The following KCNIP1 variants were observed in gnomAD, a reference collection of about 807,000 sequenced individuals.
KCNIP1 encodes potassium voltage-gated channel interacting protein 1.
KCNIP1 carries 18 observed loss-of-function variants against 33.0 expected under a neutral mutation model. The ratio of observed to expected loss-of-function variants is 0.55; its 90% CI spans 0.38 to 0.81. The LOEUF is 0.81. KCNIP1 is among the 30% of genes least tolerant of loss of function. The probability of loss-of-function intolerance (pLI) is 0.00; values close to 1 mark genes in which losing one functional copy is unlikely to be tolerated. For synonymous variants in KCNIP1, 93 were observed against 98.3 expected (o/e 0.95, Z 0.32); for missense variants, 238 against 271.6 (o/e 0.88, Z 0.87).
At position 170,504,312 on chromosome 5, in the gene KCNIP1, G is replaced by C. The variant is rs1243403389; in HGVS notation, c.-261G>C. ...CTCGGCCCTGGGCGAGGGAACCGCC[G>C]GGCCGGGTCCTCGCGCGGGGAAGCG... On this transcript the variant is annotated 5_prime_UTR_variant, in exon 1 of 8. Transcript: ENST00000328939. This position sits in a 1 kb window ranked among gnomAD's most constrained non-coding sequence, Gnocchi z 6.0. 7.4e-7 allele frequency: 1 copy of C among 1,353,902 alleles called. No homozygotes were observed. Among genetic ancestry groups the C allele is most frequent in the Non-Finnish European group, 9.5e-7 (1 of 1,057,034 alleles). 83.9% of individuals were successfully genotyped at this position (1,353,902 alleles called of 1,614,324 possible). A position where few individuals can be genotyped will look rare whatever the true frequency, so the allele number is the denominator to read the frequency against.
At chr5:170,615,738 C>T (rs1759343291) in intron 1 of KCNIP1, among the ~76,000 whole-genome samples, 1 of 152,208 alleles carries the variant, frequency 6.6e-6, no homozygotes, top group South Asian at 2.1e-4. Context: ...GGACCTGGAA[C>T]TACTTAAATT....
At chr5:170,530,708 A>G (rs1422546699) in intron 1 of KCNIP1, among the ~76,000 whole-genome samples, 2 of 152,228 alleles carry the variant, frequency 1.3e-5, no homozygotes, top group Non-Finnish European at 1.5e-5. Flanking sequence ...GCTTGCATCC[A>G]GGGCTCAGAT....
intron 1 of KCNIP1, among the ~76,000 whole-genome samples, chr5:170,495,817 C>T (rs1404314937): frequency 6.6e-6 from 1 of 152,178 alleles, no homozygotes; most frequent in Admixed American, 6.5e-5. Flanking sequence ...TTGTATGTGG[C>T]CTCATTTTTG....
chr5:170,565,974 G>A (rs1407041852), intron 1 of KCNIP1, among the ~76,000 whole-genome samples: 1 of 152,202 alleles, frequency 6.6e-6, no homozygotes, highest in African/African-American at 2.4e-5. Flanking sequence ...TGGATGAAGA[G>A]TGGAAGAGGA....
At chr5:170,525,474 A>G (rs1581273033) in intron 1 of KCNIP1, among the ~76,000 whole-genome samples, 1 of 152,268 alleles carries the variant, frequency 6.6e-6, no homozygotes, top group Admixed American at 6.5e-5. Flanking sequence ...ACTATCATGC[A>G]GGTAGGGCAC....
intron 1 of KCNIP1, among the ~76,000 whole-genome samples, chr5:170,481,175 T>C (rs1756969888): frequency 6.6e-6 from 1 of 152,246 alleles, no homozygotes; most frequent in Non-Finnish European, 1.5e-5. Context: ...ACCTCTTTAA[T>C]CTAGCTTCTT....
At chr5:170,502,644 C>T (rs1040138399), upstream of KCNIP1, among the ~76,000 whole-genome samples, 8 of 152,120 alleles carry the variant, frequency 5.3e-5, no homozygotes, top group African/African-American at 1.9e-4. Flanking sequence ...GACCTGCGCC[C>T]ATATGTTTGT....
chr5:170,424,140 T>C (rs776591272), intron 1 of KCNIP1, among the ~76,000 whole-genome samples: 17 of 152,212 alleles, frequency 1.1e-4, no homozygotes, highest in Non-Finnish European at 1.9e-4. Flanking sequence ...TTTCCATTAC[T>C]AGGGAGCTTC....
At chr5:170,566,581 C>A (rs1757212353) in intron 1 of KCNIP1, among the ~76,000 whole-genome samples, 1 of 152,208 alleles carries the variant, frequency 6.6e-6, no homozygotes, top group Non-Finnish European at 1.5e-5. Context: ...ACATGTCCCT[C>A]AGGAAACAGG....
At chr5:170,622,787 A>AG (rs1180448599) in intron 1 of KCNIP1, among the ~76,000 whole-genome samples, 5 of 152,156 alleles carry the variant, frequency 3.3e-5, no homozygotes, top group Admixed American at 3.3e-4. Flanking sequence ...GAGGGAGCAC[A>AG]GCCCTGCTGA....
intron 1 of KCNIP1, among the ~76,000 whole-genome samples, chr5:170,615,039 AC>A (rs1759314321): frequency 6.6e-6 from 1 of 152,002 alleles, no homozygotes; most frequent in Admixed American, 6.6e-5. Context: ...AAATGGCGAA[AC>A]CCCATCTTTA....
intron 1 of KCNIP1, among the ~76,000 whole-genome samples, chr5:170,713,150 T>C (rs1763518063): frequency 6.6e-6 from 1 of 152,262 alleles, no homozygotes; most frequent in East Asian, 1.9e-4. Context: ...AGCTCAAGTG[T>C]AGTAATTGCT....
intron 1 of KCNIP1, among the ~76,000 whole-genome samples, chr5:170,457,350 C>T (rs1166228055): frequency 4.6e-5 from 7 of 152,152 alleles, no homozygotes; most frequent in Admixed American, 3.9e-4. Context: ...AGGAAGAGTA[C>T]GGAGAGGCCC....
rs1257651956 is a variant in KCNIP1, at chr5:170,360,972, T to C, written c.88+7008T>C. On this transcript the variant is annotated intron_variant, in intron 1 of 7. Transcript: ENST00000377360. ...CACTCCCTATCTCCCTTGTCTGAAT[T>C]CCTGTGCTGGAGTTTGACAGCAGTG... Among the ~76,000 whole-genome samples the C allele has an allele frequency of 2.6e-5, 4 of 152,200 alleles. No individual in the cohort carries two copies. In the South Asian group the frequency reaches 8.3e-4, roughly 31 times the overall value.
chr5:170,462,625 A>T (rs886593927), intron 1 of KCNIP1, among the ~76,000 whole-genome samples: 1 of 152,174 alleles, frequency 6.6e-6, no homozygotes, highest in Non-Finnish European at 1.5e-5. Flanking sequence ...CAATCCCACT[A>T]CTGGGTGTCT....
At chr5:170,658,371 T>G in intron 1 of KCNIP1, among the ~76,000 whole-genome samples, 1 of 152,080 alleles carries the variant, frequency 6.6e-6, no homozygotes, top group East Asian at 1.9e-4. Context: ...CTAGCTCAGG[T>G]TTCTCCTAAA....
At chr5:170,518,601 G>A (rs900536190) in intron 1 of KCNIP1, among the ~76,000 whole-genome samples, 6 of 152,170 alleles carry the variant, frequency 3.9e-5, no homozygotes, top group Admixed American at 1.3e-4. Context: ...AAGATAACGC[G>A]GGGGTTATCA....
intron 1 of KCNIP1, among the ~76,000 whole-genome samples, chr5:170,417,789 C>G (rs143543101): frequency 6.6e-6 from 1 of 152,196 alleles, no homozygotes; most frequent in Non-Finnish European, 1.5e-5. Context: ...GAGAATCCAA[C>G]GAATACATTT....
intron 1 of KCNIP1, among the ~76,000 whole-genome samples, chr5:170,590,327 T>C (rs1451764103): frequency 6.6e-6 from 1 of 152,098 alleles, no homozygotes; most frequent in Non-Finnish European, 1.5e-5. Flanking sequence ...ACAGCTCCTC[T>C]GAGGAGAGCT....
Sources: gnomAD v4.1 joint callset for allele counts (sites outside exome capture counted in the v4.1 genomes callset) on GRCh38, gnomAD v4.1.1 for gene constraint, Gnocchi (gnomAD v3.1) non-coding constraint, MANE v1.5 for transcripts, NCBI Gene and HGNC (gene_info 2026-07-23, HGNC 2026-07-21) for gene names.